ZNF804B: variants seen among roughly 807,000 people sequenced by gnomAD.
The protein encoded by ZNF804B is zinc finger 804B.
A neutral mutation model predicts 101.4 loss-of-function variants in ZNF804B; 80 were observed. That is an observed-to-expected ratio of 0.79 (90% CI 0.66 to 0.95). ZNF804B has a LOEUF of 0.95. ZNF804B is among the 40% of genes least tolerant of loss of function. ZNF804B has a pLI of 0.00. For synonymous variants in ZNF804B, 622 were observed against 558.8 expected (o/e 1.11, Z -1.59); for missense variants, 1,673 against 1,561.9 (o/e 1.07, Z -1.20).
chr7:89,067,337 A>G (rs1789469372), intron 1 of ZNF804B, among the ~76,000 whole-genome samples: 1 of 152,166 alleles, frequency 6.6e-6, no homozygotes, highest in Non-Finnish European at 1.5e-5. Flanking sequence ...CGTAGGGCTT[A>G]CTTGATTGAG....
At chr7:89,006,342 A>G (rs1332437876) in intron 1 of ZNF804B, among the ~76,000 whole-genome samples, 1 of 152,150 alleles carries the variant, frequency 6.6e-6, no homozygotes, top group Non-Finnish European at 1.5e-5. Context: ...CTCTTATCAT[A>G]GATGGGAGAA....
chr7:89,077,116 T>C (rs577207125), intron 1 of ZNF804B, among the ~76,000 whole-genome samples: 1 of 37,460 alleles, frequency 2.7e-5, no homozygotes, highest in Non-Finnish European at 5.5e-5. Flanking sequence ...TTCCCTGTCA[T>C]AATGGTCAGT....
chr7:89,183,456 A>G (rs915953831), intron 1 of ZNF804B, among the ~76,000 whole-genome samples: 1 of 152,170 alleles, frequency 6.6e-6, no homozygotes, highest in African/African-American at 2.4e-5. Context: ...GCAGGAGAAA[A>G]GTAAGGATAA....
chr7:89,083,778 T>C (rs977774646), intron 1 of ZNF804B, among the ~76,000 whole-genome samples: 13 of 151,902 alleles, frequency 8.6e-5, no homozygotes, highest in African/African-American at 2.7e-4. Flanking sequence ...ATTAAGTTTA[T>C]ACCTGAAAAA....
At chr7:88,764,901 A>G (rs1389542963) in intron 1 of ZNF804B, among the ~76,000 whole-genome samples, 7 of 152,168 alleles carry the variant, frequency 4.6e-5, no homozygotes, top group Admixed American at 3.9e-4. Context: ...GACGTTTTCA[A>G]TAAAGACGAC....
intron 1 of ZNF804B, among the ~76,000 whole-genome samples, chr7:89,013,336 G>C (rs1048036336): frequency 2.0e-5 from 3 of 152,030 alleles, no homozygotes; most frequent in Admixed American, 1.3e-4. Context: ...AAAAAATCTA[G>C]TTAATGAATA....
intron 1 of ZNF804B, among the ~76,000 whole-genome samples, chr7:89,162,649 T>C (rs1263580537): frequency 1.5e-5 from 2 of 132,738 alleles, no homozygotes; most frequent in East Asian, 4.0e-4. Flanking sequence ...CTTTAAATAT[T>C]CTTTTATTAT....
chr7:89,192,053 G>A (rs544952698), intron 1 of ZNF804B, among the ~76,000 whole-genome samples: 1 of 152,098 alleles, frequency 6.6e-6, no homozygotes, highest in East Asian at 1.9e-4. Flanking sequence ...AAAAATGGGA[G>A]CTTAAGGATT....
At chr7:89,213,890 C>T (rs1371198208) in intron 1 of ZNF804B, among the ~76,000 whole-genome samples, 2 of 152,144 alleles carry the variant, frequency 1.3e-5, no homozygotes, top group Non-Finnish European at 2.9e-5. Flanking sequence ...GTGCTTGGCA[C>T]ATTTCTAGTT....
chr7:89,273,064 C>G (rs1487208037), intron 2 of ZNF804B, among the ~76,000 whole-genome samples: 1 of 152,140 alleles, frequency 6.6e-6, no homozygotes, highest in East Asian at 1.9e-4. Context: ...AAGACTACTT[C>G]TCACATATAG....
chr7:88,853,611 A>G lies in ZNF804B; in HGVS notation c.108+93527A>G, dbSNP rs1583976623. The stretch of plus-strand genomic sequence containing the variant: ...AAATGCTTAACTTTAAATATGTGAC[A>G]TTATATCACATTAAAATGCTATATA... On this transcript the variant is annotated intron_variant, in intron 1 of 3. Transcript: ENST00000333190. 2.0e-5 allele frequency among the ~76,000 whole-genome samples: 3 copies of G among 152,278 alleles called. No homozygotes were observed. In the South Asian group the frequency reaches 6.2e-4, roughly 32 times the overall value.
intron 1 of ZNF804B, among the ~76,000 whole-genome samples, chr7:88,965,020 G>A (rs1190694531): frequency 2.0e-5 from 3 of 151,266 alleles, no homozygotes; most frequent in African/African-American, 7.3e-5. Context: ...TAACATATAA[G>A]GTGCCAATAC....
chr7:89,302,547 G>A (rs987867), intron 2 of ZNF804B, among the ~76,000 whole-genome samples: 4,033 of 151,938 alleles, frequency 0.027, 189 homozygotes, highest in African/African-American at 0.092. Flanking sequence ...GAATGATATA[G>A]TTGATCACAG....
At chr7:89,156,060 CTTT>C (rs1223733850) in intron 1 of ZNF804B, among the ~76,000 whole-genome samples, 5 of 72,848 alleles carry the variant, frequency 6.9e-5, no homozygotes, top group Non-Finnish European at 1.7e-4. Context: ...TTCTTTCTTT[CTTT>C]CTTTCTTTCT....
intron 2 of ZNF804B, among the ~76,000 whole-genome samples, chr7:89,276,780 C>T (rs1409426085): frequency 6.6e-6 from 1 of 151,704 alleles, no homozygotes; most frequent in Non-Finnish European, 1.5e-5. Flanking sequence ...TGTTTGTCAA[C>T]TATATCATTT....
rs114734140 is a variant in ZNF804B, at chr7:89,082,219, A to G, written c.109-135936A>G. Among the ~76,000 whole-genome samples, 318 of 151,800 alleles carry G rather than the reference A, an allele frequency of 2.1e-3. 2 individuals are homozygous for G. Among genetic ancestry groups the G allele is most frequent in the African/African-American group, 7.3e-3 (305 of 41,504 alleles). On this transcript the variant is annotated intron_variant, in intron 1 of 3. Transcript: ENST00000333190. ...GGAACAAATGCCAAATGACAACTCA[A>G]CAGCCATCCTAAATTATATTAAAAT...
chr7:89,259,480 A>T (rs1789680483), intron 2 of ZNF804B, among the ~76,000 whole-genome samples: 1 of 152,208 alleles, frequency 6.6e-6, no homozygotes. Flanking sequence ...TTTCTATAAC[A>T]ATGATGGCAT....
At chr7:88,794,519 G>C (rs745333051) in intron 1 of ZNF804B, 1 of 1,613,602 alleles carries the variant, frequency 6.2e-7, no homozygotes, top group Non-Finnish European at 8.5e-7. Context: ...TGCATAAAAA[G>C]CCTCATTGGA....
intron 1 of ZNF804B, among the ~76,000 whole-genome samples, chr7:89,103,069 T>TG (rs1562885479): frequency 5.7e-5 from 8 of 140,070 alleles, no homozygotes; most frequent in African/African-American, 1.9e-4. Context: ...TTTTTTTTTT[T>TG]TTTTTTTTTT....
Sources: gnomAD v4.1 joint callset for allele counts (sites outside exome capture counted in the v4.1 genomes callset) on GRCh38, gnomAD v4.1.1 for gene constraint, MANE v1.5 for transcripts, NCBI Gene and HGNC (gene_info 2026-07-23, HGNC 2026-07-21) for gene names.